The following TMCC1 variants were observed in gnomAD, a reference collection of about 807,000 sequenced individuals.
TMCC1 encodes the protein transmembrane and coiled-coil domain family 1, also known as transmembrane and coiled-coil domains protein 1.
In TMCC1, 15 loss-of-function variants were observed where a neutral mutation model predicts 52.4. The ratio of observed to expected loss-of-function variants is 0.29; its 90% confidence interval spans 0.19 to 0.44. TMCC1 has a LOEUF of 0.44. Among genes scored for constraint, TMCC1 ranks in the 20% least tolerant of loss-of-function variants. The pLI is 1.00. For missense variants in TMCC1, 503 were observed against 806.0 expected, an observed-to-expected ratio of 0.62 and a Z score of 4.55; for synonymous variants, 279 against 301.9, an observed-to-expected ratio of 0.92 and a Z score of 0.79.
chr3:129,706,497 C>A (rs756537199), intron 4 of TMCC1, among the ~76,000 whole-genome samples: 1 of 152,174 alleles, frequency 6.6e-6, no homozygotes, highest in Non-Finnish European at 1.5e-5. Flanking sequence ...TGAGCCACTG[C>A]ACTTGGCTTG....
chr3:129,849,934 A>G (rs903175423), intron 2 of TMCC1, among the ~76,000 whole-genome samples: 55 of 151,992 alleles, frequency 3.6e-4, no homozygotes, highest in African/African-American at 1.1e-3. Context: ...AATTTTTTAA[A>G]AACTTTTATT....
rs186863586 is a variant in TMCC1, at chr3:129,725,468, C to T, written c.577-54204G>A. 2.6e-3 allele frequency among the ~76,000 whole-genome samples: 391 copies of T among 150,318 alleles called. 5 individuals are homozygous for T. Among genetic ancestry groups the T allele is most frequent in the East Asian group, 1.8e-3 (9 of 5,118 alleles). ...TTTAAGAATTTTACTTCAATAAAAA[C>T]GAAACATAGCATCTTATTTTTTTAA... On this transcript the variant is annotated intron_variant, in intron 4 of 6. Coordinates refer to ENST00000393238, the MANE Select transcript of TMCC1 (RefSeq NM_001017395.5).
intron 4 of TMCC1, among the ~76,000 whole-genome samples, chr3:129,821,879 A>G (rs1233738770): frequency 6.6e-6 from 1 of 152,028 alleles, no homozygotes; most frequent in Non-Finnish European, 1.5e-5. Context: ...AGCCTGGGCA[A>G]CACCGCAAAA....
chr3:129,843,265 T>C (rs549429930), intron 2 of TMCC1, among the ~76,000 whole-genome samples: 2 of 151,918 alleles, frequency 1.3e-5, no homozygotes, highest in Admixed American at 1.3e-4. Context: ...GAGAATGCCA[T>C]GAACCTGGGA....
intron 4 of TMCC1, among the ~76,000 whole-genome samples, chr3:129,756,407 A>G (rs2053015781): frequency 6.6e-6 from 1 of 152,176 alleles, no homozygotes; most frequent in Non-Finnish European, 1.5e-5. Context: ...AGACAGATGA[A>G]TCTTTATTTG....
chr3:129,884,161 A>G (rs992922247), intron 1 of TMCC1, among the ~76,000 whole-genome samples: 12 of 152,218 alleles, frequency 7.9e-5, no homozygotes, highest in Admixed American at 2.0e-4. Flanking sequence ...AAATCCTTCA[A>G]TCAGAAGGAA....
chr3:129,814,084 T>G (rs565209330), intron 4 of TMCC1, among the ~76,000 whole-genome samples: 1 of 152,170 alleles, frequency 6.6e-6, no homozygotes, highest in South Asian at 2.1e-4. Flanking sequence ...AGTTATAGGC[T>G]TGCATTTCCT....
intron 5 of TMCC1, among the ~76,000 whole-genome samples, chr3:129,667,339 G>T (rs2087550291): frequency 1.3e-5 from 2 of 151,926 alleles, no homozygotes; most frequent in South Asian, 4.2e-4. Context: ...ATATATAATG[G>T]AGGGGAAATC....
At chr3:129,750,020 T>C (rs975741795) in intron 4 of TMCC1, among the ~76,000 whole-genome samples, 2 of 152,202 alleles carry the variant, frequency 1.3e-5, no homozygotes, top group Non-Finnish European at 1.5e-5. Context: ...ATTATATGCA[T>C]ATGATGCATT....
chr3:129,729,979 T>A (rs1015060580), intron 4 of TMCC1, among the ~76,000 whole-genome samples: 3 of 151,966 alleles, frequency 2.0e-5, no homozygotes, highest in Non-Finnish European at 2.9e-5. Flanking sequence ...TTTAAAAAAA[T>A]TTTTAAATAA....
intron 5 of TMCC1, among the ~76,000 whole-genome samples, chr3:129,668,724 C>T (rs1360857534): frequency 2.6e-5 from 4 of 152,194 alleles, no homozygotes; most frequent in Non-Finnish European, 4.4e-5. Context: ...CTCCTGGGTT[C>T]AAGTGATTCT....
chr3:129,652,243 A>G (rs2086377753), intron 6 of TMCC1, among the ~76,000 whole-genome samples: 1 of 152,218 alleles, frequency 6.6e-6, no homozygotes, highest in Admixed American at 6.5e-5. Flanking sequence ...GTGTAAGTGT[A>G]TGCATATATG....
At chr3:129,663,686 CTAAA>C (rs375735673) in intron 5 of TMCC1, among the ~76,000 whole-genome samples, 179 of 152,260 alleles carry the variant, frequency 1.2e-3, no homozygotes, top group African/African-American at 3.7e-3. Flanking sequence ...CAGTAAATAT[CTAAA>C]TAATACAGGA....
intron 1 of TMCC1, among the ~76,000 whole-genome samples, chr3:129,887,649 A>T (rs2061777171): frequency 6.6e-6 from 1 of 151,978 alleles, no homozygotes; most frequent in African/African-American, 2.4e-5. Flanking sequence ...AAAAAAGACC[A>T]CTCAAAAACA....
intron 5 of TMCC1, among the ~76,000 whole-genome samples, chr3:129,655,639 A>C (rs2108847786): frequency 6.6e-6 from 1 of 152,292 alleles, no homozygotes; most frequent in Non-Finnish European, 1.5e-5. Flanking sequence ...TTCTGTCAAC[A>C]AATATTTACT....
intron 4 of TMCC1, among the ~76,000 whole-genome samples, chr3:129,708,299 A>C (rs1316636775): frequency 1.3e-5 from 2 of 152,156 alleles, no homozygotes; most frequent in Non-Finnish European, 2.9e-5. Context: ...CCTTCCTTGA[A>C]TTTTAATTTC....
At chr3:129,676,314 A>C (rs2088445086) in intron 4 of TMCC1, among the ~76,000 whole-genome samples, 1 of 152,186 alleles carries the variant, frequency 6.6e-6, no homozygotes, top group Non-Finnish European at 1.5e-5. Flanking sequence ...CAGTCAGTTA[A>C]ATATATTTTG....
At chr3:129,887,681 G>A (rs2061779497) in intron 1 of TMCC1, among the ~76,000 whole-genome samples, 1 of 151,582 alleles carries the variant, frequency 6.6e-6, no homozygotes, top group Admixed American at 6.6e-5. Flanking sequence ...ATAATATATT[G>A]ACATTCTAAA....
chr3:129,709,375 C>T (rs2048476087), intron 4 of TMCC1, among the ~76,000 whole-genome samples: 1 of 145,152 alleles, frequency 6.9e-6, no homozygotes, highest in South Asian at 2.2e-4. Context: ...ACTTGGGAGG[C>T]TGAGGTGGGA....
Sources: allele counts gnomAD v4.1 joint callset (sites outside exome capture counted in the v4.1 genomes callset), GRCh38; gene constraint gnomAD v4.1.1; transcripts MANE v1.5; gene names NCBI Gene and HGNC (gene_info 2026-07-23, HGNC 2026-07-21).